PRKCZ: variants seen among roughly 807,000 people sequenced by gnomAD.
PRKCZ encodes the protein protein kinase C zeta, also known as protein kinase C zeta type.
PRKCZ carries 33 observed loss-of-function variants against 79.5 expected under a neutral mutation model. The observed-to-expected ratio is 0.41, with a 90% CI of 0.31 to 0.55. PRKCZ has a LOEUF of 0.55. Among genes scored for constraint, PRKCZ ranks in the 20% least tolerant of loss-of-function variants. The probability of loss-of-function intolerance (pLI) is 0.19; values close to 1 mark genes in which losing one functional copy is unlikely to be tolerated. For missense variants in PRKCZ, 578 were observed against 813.5 expected (o/e 0.71, Z 3.52); for synonymous variants, 342 against 320.9 (o/e 1.07, Z -0.70).
chr1:2,107,287 C>A (rs1557577219), intron 4 of PRKCZ, among the ~76,000 whole-genome samples: 3 of 152,250 alleles, frequency 2.0e-5, no homozygotes, highest in African/African-American at 7.2e-5. Flanking sequence ...CCAAGCAACA[C>A]TGAGGCGGGA....
intron 5 of PRKCZ, among the ~76,000 whole-genome samples, chr1:2,138,038 C>T (rs561555728): frequency 2.8e-4 from 43 of 152,322 alleles, no homozygotes; most frequent in African/African-American, 9.6e-4. Flanking sequence ...GCCACCTGCT[C>T]GTAACGTTCT....
intron 4 of PRKCZ, among the ~76,000 whole-genome samples, chr1:2,111,996 T>C (rs1467789487): frequency 6.6e-6 from 1 of 152,206 alleles, no homozygotes; most frequent in Non-Finnish European, 1.5e-5. Context: ...CCTTTCACCT[T>C]AGTCGTCTTC....
rs1377165141 is a variant in PRKCZ, at chr1:2,128,588, G to A, written c.335-6674G>A. Among the ~76,000 whole-genome samples the A allele has an allele frequency of 6.6e-6, 1 of 152,242 alleles. No individual in the cohort carries two copies. The highest frequency in any genetic ancestry group is 2.4e-5 in the African/African-American group (1 of 41,464). On this transcript the variant is annotated intron_variant, in intron 4 of 17. Transcript: ENST00000378567. This position sits in a 1 kb window ranked among gnomAD's most constrained non-coding sequence, Gnocchi z 6.5. ...CCTTGAGGTTGTCGGAGTTAAGGCT[G>A]AAAGAGGAGGAGCGGCCCCTGTGAT...
chr1:2,132,525 C>G (rs1675196847), intron 4 of PRKCZ, among the ~76,000 whole-genome samples: 1 of 152,166 alleles, frequency 6.6e-6, no homozygotes. Flanking sequence ...TTGTGCCGAC[C>G]CCGCAGTGTA....
At chr1:2,116,896 A>T (rs1265644345) in intron 4 of PRKCZ, among the ~76,000 whole-genome samples, 2 of 152,092 alleles carry the variant, frequency 1.3e-5, no homozygotes, top group Non-Finnish European at 2.9e-5. Context: ...TCTTTACAAT[A>T]CTGAGGTTTC....
intron 4 of PRKCZ, among the ~76,000 whole-genome samples, chr1:2,126,883 G>T (rs1356595701): frequency 1.3e-5 from 2 of 152,182 alleles, no homozygotes; most frequent in African/African-American, 2.4e-5. Context: ...CTGTCCCTTC[G>T]TATCACTGAC....
chr1:2,083,324 TC>T (rs1312711528), intron 4 of PRKCZ, among the ~76,000 whole-genome samples: 1 of 151,426 alleles, frequency 6.6e-6, no homozygotes, highest in Non-Finnish European at 1.5e-5. Context: ...GCCAGTGGTC[TC>T]AGGACCCCCA....
intron 8 of PRKCZ, among the ~76,000 whole-genome samples, chr1:2,150,213 C>T (rs1053928312): frequency 1.8e-4 from 28 of 151,886 alleles, no homozygotes; most frequent in African/African-American, 6.8e-4. Context: ...CAGAACAGCA[C>T]CTCCCAAGGA....
At chr1:2,051,260 C>T (rs1318994085) in intron 1 of PRKCZ, among the ~76,000 whole-genome samples, 1 of 152,146 alleles carries the variant, frequency 6.6e-6, no homozygotes, top group Non-Finnish European at 1.5e-5. Flanking sequence ...GTCGCACCCG[C>T]CCCCCGGAGG....
At chr1:2,160,236 T>TGCGCGC (rs151218937) in intron 10 of PRKCZ, among the ~76,000 whole-genome samples, 1 of 133,082 alleles carries the variant, frequency 7.5e-6, no homozygotes, top group African/African-American at 2.8e-5. Flanking sequence ...CCCAGCAGTG[T>TGCGCGC]GCGTGTGTGT....
At chr1:2,086,502 C>T (rs896360093) in intron 4 of PRKCZ, among the ~76,000 whole-genome samples, 4 of 152,172 alleles carry the variant, frequency 2.6e-5, no homozygotes, top group African/African-American at 4.8e-5. Context: ...CCATGCTACC[C>T]GCTTTTCCAT....
rs1666636413 is a variant in PRKCZ, at chr1:2,096,970, C to T, written c.334+37379C>T. 2.0e-5 allele frequency among the ~76,000 whole-genome samples: 3 copies of T among 152,238 alleles called. No individual in the cohort carries two copies. In the South Asian group the frequency reaches 6.2e-4, roughly 31 times the overall value. ...ACTGAGCGTAGGCCTGGACACGGCC[C>T]TGTGGTGTCTCACCCACGGGCACCA... On this transcript the variant is annotated intron_variant, in intron 4 of 17. Coordinates refer to ENST00000378567, the MANE Select transcript of PRKCZ (RefSeq NM_002744.6).
chr1:2,175,331 C>T lies in PRKCZ; in HGVS notation c.1575+18C>T, dbSNP rs777144631. 5 of 1,599,172 alleles carry T rather than the reference C, an allele frequency of 3.1e-6. No individual in the cohort carries two copies. Among genetic ancestry groups the T allele is most frequent in the Admixed American group, 3.4e-5 (2 of 59,700 alleles). On this transcript the variant is annotated intron_variant, in intron 16 of 17. Transcript: ENST00000378567. Reference sequence around the variant, plus strand: ...GGGACTTGGTAAAGCATCACAAAGCCTATTTGCACCCCCATCCCCATCCCA... The same window carrying T: ...GGGACTTGGTAAAGCATCACAAAGCTTATTTGCACCCCCATCCCCATCCCA...
intron 4 of PRKCZ, among the ~76,000 whole-genome samples, chr1:2,100,924 C>T (rs996736942): frequency 5.9e-5 from 9 of 152,072 alleles, no homozygotes; most frequent in South Asian, 2.1e-4. Flanking sequence ...ATGTGGTCCC[C>T]GCTCCTTCAG....
intron 16 of PRKCZ, among the ~76,000 whole-genome samples, chr1:2,180,183 C>A (rs771680971): frequency 6.6e-6 from 1 of 152,220 alleles, no homozygotes; most frequent in African/African-American, 2.4e-5. Context: ...CACCCGCGAA[C>A]CCCTCTGTCC....
rs943954622 is a variant in PRKCZ, at chr1:2,178,571, C to G, written c.1575+3258C>G. 2.2e-4 allele frequency among the ~76,000 whole-genome samples: 34 copies of G among 152,312 alleles called. No individual in the cohort carries two copies. The highest frequency in any genetic ancestry group is 2.1e-3 in the Admixed American group (32 of 15,302). On this transcript the variant is annotated intron_variant, in intron 16 of 17. Coordinates refer to ENST00000378567, the MANE Select transcript of PRKCZ (RefSeq NM_002744.6). The surrounding 1 kb of genome is among the most constrained non-coding windows in gnomAD (Gnocchi z 4.3). ...CTTCTGGGTGGACACGTGTTTATTT[C>G]TCTTGGGCACGTGCTCAGGGCGCAG...
In PRKCZ at chr1:2,173,784, T is replaced by A. The variant is rs1339443684; in HGVS notation, c.1286-113T>A. 3.5e-6 allele frequency: 5 copies of A among 1,443,864 alleles called. No homozygotes were observed. The highest frequency in any genetic ancestry group is 2.9e-5 in the African/African-American group (2 of 69,034). 89.4% of individuals were successfully genotyped at this position (1,443,864 alleles called of 1,614,324 possible). A position where few individuals can be genotyped will look rare whatever the true frequency, so the allele number is the denominator to read the frequency against. On this transcript the variant is annotated intron_variant, in intron 13 of 17. Coordinates refer to ENST00000378567, the MANE Select transcript of PRKCZ (RefSeq NM_002744.6). This position sits in a 1 kb window ranked among gnomAD's most constrained non-coding sequence, Gnocchi z 5.7. The stretch of plus-strand genomic sequence containing the variant: ...TCACAGAGGCCTGTGTGCCGCCTGC[T>A]CAAGCCTGGCTCACACTCGTGTCAA...
Position 2,172,471 on chromosome 1 carries a change from G to GTCC in PRKCZ, c.1285+85_1285+87dup. The GTCC allele has an allele frequency of 1.4e-6, 2 of 1,407,306 alleles. No homozygotes were observed. 87.2% of individuals were successfully genotyped at this position (1,407,306 alleles called of 1,614,324 possible). A position where few individuals can be genotyped will look rare whatever the true frequency, so the allele number is the denominator to read the frequency against. On this transcript the variant is annotated intron_variant, in intron 13 of 17. Coordinates refer to ENST00000378567, the MANE Select transcript of PRKCZ (RefSeq NM_002744.6). The surrounding 1 kb of genome is among the most constrained non-coding windows in gnomAD (Gnocchi z 7.8). Reference sequence around the variant, plus strand: ...CCTGGCCCAGCAGCCAGGGAGAGGTGTCCTTGACCATCTTACACCCAAAAG... The same window carrying GTCC: ...CCTGGCCCAGCAGCCAGGGAGAGGTGTCCTCCTTGACCATCTTACACCCAAAAG...
chr1:2,084,512 C>G (rs1257599114), intron 4 of PRKCZ, among the ~76,000 whole-genome samples: 1 of 152,230 alleles, frequency 6.6e-6, no homozygotes, highest in Non-Finnish European at 1.5e-5. Flanking sequence ...CGCGGCCGGC[C>G]GGCTCACAGA....
Sources: allele counts gnomAD v4.1 joint callset (sites outside exome capture counted in the v4.1 genomes callset), GRCh38; gene constraint gnomAD v4.1.1; non-coding constraint Gnocchi (gnomAD v3.1); transcripts MANE v1.5; gene names NCBI Gene and HGNC (gene_info 2026-07-23, HGNC 2026-07-21).